The following PCDHGA3 variants were observed in gnomAD, a reference collection of about 807,000 sequenced individuals.
PCDHGA3 encodes the protein protocadherin gamma subfamily A, 3, also known as protocadherin gamma-A3.
In PCDHGA3, 40 loss-of-function variants were observed where a neutral mutation model predicts 58.5. The ratio of observed to expected loss-of-function variants is 0.68; its 90% CI spans 0.53 to 0.89. The LOEUF (loss-of-function observed/expected upper bound fraction) is 0.89, where lower values mean the gene tolerates loss of function less well. Among genes scored for constraint, PCDHGA3 ranks in the 40% least tolerant of loss-of-function variants. The probability of loss-of-function intolerance (pLI) is 0.00; values close to 1 mark genes in which losing one functional copy is unlikely to be tolerated. For synonymous variants in PCDHGA3, 530 were observed against 525.7 expected (o/e 1.01, Z -0.11); for missense variants, 1,223 against 1,195.9 (o/e 1.02, Z -0.33).
chr5:141,359,769 G>A (rs1015704622), intron 1 of PCDHGA3, among the ~76,000 whole-genome samples: 1 of 152,134 alleles, frequency 6.6e-6, no homozygotes, highest in Non-Finnish European at 1.5e-5. Flanking sequence ...AGAGATGAAA[G>A]GAAGAACCTA....
chr5:141,369,242 A>G (rs1766108609), intron 1 of PCDHGA3, among the ~76,000 whole-genome samples: 1 of 152,200 alleles, frequency 6.6e-6, no homozygotes, highest in South Asian at 2.1e-4. Flanking sequence ...TTACTTATAT[A>G]ATTAAATAAT....
chr5:141,431,022 G>A lies in PCDHGA3; in HGVS notation c.2425-63785G>A. ...CGCAGCGGCAGCTTGGTCACGGCGG[G>A]CAGGATAGACCGGGAGGAGCTCTGT... On this transcript the variant is annotated intron_variant, in intron 1 of 3. Transcript: ENST00000253812. This position sits in a 1 kb window ranked among gnomAD's most constrained non-coding sequence, Gnocchi z 4.8. 1 of 1,614,078 alleles carries A rather than the reference G, an allele frequency of 6.2e-7. No individual in the cohort carries two copies. Among genetic ancestry groups the A allele is most frequent in the African/African-American group, 1.3e-5 (1 of 75,074 alleles).
chr5:141,394,807 C>G (rs943252788), intron 1 of PCDHGA3: 3 of 1,613,886 alleles, frequency 1.9e-6, no homozygotes, highest in African/African-American at 2.7e-5. Context: ...GTAGCCGTGG[C>G]TGACAGCATC....
rs2233612 is a variant in PCDHGA3 at position 141,511,014 on chromosome 5, A to G, written c.2640A>G (p.Gly880=). 8.6e-4 allele frequency: 1,386 copies of G among 1,614,082 alleles called. 14 individuals are homozygous for G. The African/African-American group carries it at 0.017, about 20-fold the overall frequency. The change falls in exon 4 of 4, where the codon GGA becomes GGG. Residue 880 remains glycine, a synonymous_variant. Coordinates refer to ENST00000253812, the MANE Select transcript of PCDHGA3 (RefSeq NM_018916.4). ...AGTMGLSARY[G]PQFTLQHVPD... ...CCATGGGATTGAGCGCCCGCTACGG[A>G]CCCCAGTTCACCCTGCAGCACGTGC...
Position 141,400,130 on chromosome 5 carries a change from T to C in PCDHGA3, c.2424+53673T>C, listed in dbSNP as rs369250985. On this transcript the variant is annotated intron_variant, in intron 1 of 3. Transcript: ENST00000253812. ...TTTGCTGACAGCTTGCAGGAGGTGC[T>C]GCCGGATATCACTGACCGCCCTGTA... is the stretch of plus-strand genomic sequence containing the variant. The C allele has an allele frequency of 1.9e-6, 3 of 1,613,954 alleles. No individual in the cohort carries two copies. The African/African-American group carries it at 4.0e-5, about 22-fold the overall frequency.
At chr5:141,385,574 C>T in intron 1 of PCDHGA3, 1 of 1,293,946 alleles carries the variant, frequency 7.7e-7, no homozygotes, top group Non-Finnish European at 9.8e-7. Flanking sequence ...ACCTACTTTC[C>T]AATCTATGTT....
chr5:141,505,249 G>T, intron 2 of PCDHGA3, 144 bp from the exon 3 acceptor site: 1 of 1,447,748 alleles, frequency 6.9e-7, no homozygotes, highest in Non-Finnish European at 9.2e-7. Flanking sequence ...GATTGTAGAA[G>T]TGCCTCCTAC....
intron 1 of PCDHGA3, chr5:141,362,519 C>G: frequency 1.2e-6 from 2 of 1,613,948 alleles, no homozygotes; most frequent in South Asian, 1.1e-5. Context: ...AATCATGGAG[C>G]CGCTGGGGTC....
intron 1 of PCDHGA3, chr5:141,389,279 T>C: frequency 6.2e-7 from 1 of 1,614,016 alleles, no homozygotes; most frequent in Non-Finnish European, 8.5e-7. Context: ...ACAACCCGCC[T>C]GGAGCCTCTA....
In PCDHGA3 at chr5:141,476,691, A is replaced by G; in HGVS notation, c.2425-18116A>G. 6.2e-7 allele frequency: 1 copy of G among 1,614,224 alleles called. No individual in the cohort carries two copies. Among genetic ancestry groups the G allele is most frequent in the Non-Finnish European group, 8.5e-7 (1 of 1,180,050 alleles). The stretch of plus-strand genomic sequence containing the variant: ...GTGCAGACGCGGGAGGACAGCACCA[A>G]GTACGCGGAGCTGGTGTTGGAGCGC... On this transcript the variant is annotated intron_variant, in intron 1 of 3. Transcript: ENST00000253812. This position sits in a 1 kb window ranked among gnomAD's most constrained non-coding sequence, Gnocchi z 7.6.
At chr5:141,463,629 GTT>G (rs923584581) in intron 1 of PCDHGA3, among the ~76,000 whole-genome samples, 5 of 151,314 alleles carry the variant, frequency 3.3e-5, no homozygotes, top group Middle Eastern at 3.4e-3. Flanking sequence ...TTTGTATTTT[GTT>G]TAGTAGAGAC....
In PCDHGA3 at chr5:141,431,892, A is replaced by G. The variant is rs1456048000; in HGVS notation, c.2425-62915A>G. The G allele has an allele frequency of 2.1e-5, 34 of 1,614,054 alleles. No homozygotes were observed. Among genetic ancestry groups the G allele is most frequent in the Non-Finnish European group, 2.7e-5 (32 of 1,179,972 alleles). ...AATGTAAATGACCAAGATTCTGAGG[A>G]AAACGGACAGGTGATCTGTTTCATC... is the stretch of plus-strand genomic sequence containing the variant. On this transcript the variant is annotated intron_variant, in intron 1 of 3. Transcript: ENST00000253812. The surrounding 1 kb of genome is among the most constrained non-coding windows in gnomAD (Gnocchi z 4.8).
intron 1 of PCDHGA3, chr5:141,393,052 G>T (rs771952632): frequency 6.2e-7 from 1 of 1,613,614 alleles, no homozygotes; most frequent in Non-Finnish European, 8.5e-7. Context: ...CTGAACCCGC[G>T]CAGCGGCAGC....
chr5:141,400,319 C>G (rs762588918), intron 1 of PCDHGA3: 1 of 1,613,974 alleles, frequency 6.2e-7, no homozygotes, highest in African/African-American at 1.3e-5. Context: ...TGTGTCAAGT[C>G]TGGACCTGTG....
chr5:141,506,740 T>C (rs1006665092), intron 3 of PCDHGA3, among the ~76,000 whole-genome samples: 2 of 152,104 alleles, frequency 1.3e-5, no homozygotes, highest in African/African-American at 2.4e-5. Context: ...ATAATGCCTA[T>C]TAATAAAGAC....
intron 1 of PCDHGA3, among the ~76,000 whole-genome samples, chr5:141,466,360 G>A (rs2099121274): frequency 6.6e-6 from 1 of 152,070 alleles, no homozygotes; most frequent in South Asian, 2.1e-4. Context: ...TAATCTAGAT[G>A]TAATGGTTTT....
intron 1 of PCDHGA3, chr5:141,389,664 G>A (rs1182835621): frequency 5.0e-6 from 8 of 1,612,210 alleles, no homozygotes; most frequent in Admixed American, 1.7e-5. Context: ...GGCGGTGGAC[G>A]CAGACTCAGG....
At chr5:141,420,240 C>G (rs752339982) in intron 1 of PCDHGA3, 3 of 1,593,140 alleles carry the variant, frequency 1.9e-6, no homozygotes, top group Non-Finnish European at 2.6e-6. Context: ...ATTTTAACTC[C>G]CAGCGTTGAA....
At chr5:141,452,046 T>C (rs767493861) in intron 1 of PCDHGA3, among the ~76,000 whole-genome samples, 1 of 152,242 alleles carries the variant, frequency 6.6e-6, no homozygotes, top group Non-Finnish European at 1.5e-5. Context: ...TAACTCCATT[T>C]GTAATAACTT....
Sources: allele counts gnomAD v4.1 joint callset (sites outside exome capture counted in the v4.1 genomes callset), GRCh38; gene constraint gnomAD v4.1.1; non-coding constraint Gnocchi (gnomAD v3.1); transcripts MANE v1.5; gene names NCBI Gene and HGNC (gene_info 2026-07-23, HGNC 2026-07-21).